CCDC102B: variants seen among roughly 807,000 people sequenced by gnomAD.
The protein encoded by CCDC102B is coiled-coil domain containing 102B, also known as coiled-coil domain-containing protein 102B.
Under a neutral mutation model 57.4 loss-of-function variants are expected in CCDC102B, and 75 were observed. The ratio of observed to expected loss-of-function variants is 1.31; its 90% CI spans 1.08 to 1.58. The LOEUF (loss-of-function observed/expected upper bound fraction) is 1.58. Among genes scored for constraint, CCDC102B ranks in the 40% most tolerant of loss-of-function variants. CCDC102B has a pLI of 0.00. For synonymous variants in CCDC102B, 206 were observed against 201.9 expected (o/e 1.02, Z -0.17); for missense variants, 636 against 582.6 (o/e 1.09, Z -0.94).
At chr18:68,879,137 T>C (rs9947490) in intron 5 of CCDC102B, among the ~76,000 whole-genome samples, 133,948 of 149,410 alleles carry the variant, frequency 0.9, 60,078 homozygotes, top group East Asian at 0.98. Flanking sequence ...GTCTCGCTGG[T>C]TTCAGGAGTG....
intron 2 of CCDC102B, among the ~76,000 whole-genome samples, chr18:68,780,479 T>A (rs1325047719): frequency 1.3e-5 from 2 of 152,074 alleles, no homozygotes; most frequent in African/African-American, 2.4e-5. Context: ...TGTTTTTTTT[T>A]TTTTTGCTTC....
chr18:68,980,448 T>G (rs2050550121), intron 6 of CCDC102B, among the ~76,000 whole-genome samples: 1 of 150,566 alleles, frequency 6.6e-6, no homozygotes, highest in Non-Finnish European at 1.5e-5. Context: ...CTGGAGCAGT[T>G]TATATTATAG....
chr18:68,750,236 C>T (rs527459236), intron 2 of CCDC102B, among the ~76,000 whole-genome samples: 1 of 152,264 alleles, frequency 6.6e-6, no homozygotes, highest in African/African-American at 2.4e-5. Context: ...ATCAAAACCA[C>T]AATGAGATAC....
At chr18:68,844,310 T>A (rs1462272546) in intron 3 of CCDC102B, among the ~76,000 whole-genome samples, 1 of 151,620 alleles carries the variant, frequency 6.6e-6, no homozygotes, top group East Asian at 1.9e-4. Flanking sequence ...AATAAAATAA[T>A]TCTCAAAATT....
At chr18:68,830,784 TCC>T (rs916065376) in intron 1 of CCDC102B, among the ~76,000 whole-genome samples, 4 of 151,866 alleles carry the variant, frequency 2.6e-5, no homozygotes, top group African/African-American at 9.7e-5. Flanking sequence ...CTGCTTGGCA[TCC>T]CAAGTACTTC....
At chr18:68,996,564 T>C (rs1370350163) in intron 6 of CCDC102B, among the ~76,000 whole-genome samples, 2 of 152,214 alleles carry the variant, frequency 1.3e-5, no homozygotes, top group Non-Finnish European at 2.9e-5. Context: ...TAATGCAAGA[T>C]TTAATAACTG....
intron 6 of CCDC102B, among the ~76,000 whole-genome samples, chr18:68,981,811 A>G (rs1052563035): frequency 6.6e-6 from 1 of 151,956 alleles, no homozygotes; most frequent in Non-Finnish European, 1.5e-5. Flanking sequence ...TCATTGTTCA[A>G]TTCCCACCTA....
At chr18:69,034,901 A>G (rs1280526424) in intron 7 of CCDC102B, among the ~76,000 whole-genome samples, 1 of 151,810 alleles carries the variant, frequency 6.6e-6, no homozygotes, top group African/African-American at 2.4e-5. Flanking sequence ...CATTTCGGTC[A>G]CTGTAATTGT....
At chr18:68,817,646 C>A (rs988527878) in intron 1 of CCDC102B, among the ~76,000 whole-genome samples, 2 of 152,088 alleles carry the variant, frequency 1.3e-5, no homozygotes, top group African/African-American at 4.8e-5. Flanking sequence ...TTTTTATAAA[C>A]GCGAGAAAGA....
intron 6 of CCDC102B, among the ~76,000 whole-genome samples, chr18:68,991,505 A>T (rs947377012): frequency 3.3e-5 from 5 of 152,146 alleles, no homozygotes; most frequent in Non-Finnish European, 1.5e-5. Context: ...GGAGTAATGC[A>T]TTTCCCACTG....
chr18:68,810,023 T>G (rs926287997), intron 1 of CCDC102B, among the ~76,000 whole-genome samples: 1 of 152,256 alleles, frequency 6.6e-6, no homozygotes, highest in Non-Finnish European at 1.5e-5. Context: ...TTTAAAAATC[T>G]TAACATTATT....
rs1293215651 is a variant in CCDC102B, at chr18:68,783,887, G to GT, written c.-66-39474dup. On this transcript the variant is annotated intron_variant, in intron 2 of 3. Transcript: ENST00000578970. ...AAGTCTGCTGATAACATTTATGAGTGTTTTTGAGTATAATTGACTCAGGTT... is the reference window on the plus strand; with the variant it reads ...AAGTCTGCTGATAACATTTATGAGTGTTTTTTGAGTATAATTGACTCAGGTT... Among the ~76,000 whole-genome samples, 3 of 152,122 alleles carry GT rather than the reference G, an allele frequency of 2.0e-5. No homozygotes were observed. In the East Asian group the frequency reaches 5.8e-4, roughly 29 times the overall value.
chr18:68,871,867 G>A (rs545671224), intron 4 of CCDC102B, among the ~76,000 whole-genome samples: 49 of 152,106 alleles, frequency 3.2e-4, no homozygotes, highest in Non-Finnish European at 6.5e-4. Context: ...GCTTTATTTG[G>A]TTGCTCTCTT....
At chr18:68,757,590 ATAT>A (rs1442113531) in intron 2 of CCDC102B, among the ~76,000 whole-genome samples, 1 of 152,172 alleles carries the variant, frequency 6.6e-6, no homozygotes, top group Non-Finnish European at 1.5e-5. Flanking sequence ...TTATTGCTTT[ATAT>A]TAATTGTTGC....
chr18:69,031,502 C>G (rs1350926793), intron 7 of CCDC102B, among the ~76,000 whole-genome samples: 1 of 150,720 alleles, frequency 6.6e-6, no homozygotes, highest in Non-Finnish European at 1.5e-5. Flanking sequence ...GATATAGCAG[C>G]ATTTTTCCTT....
At chr18:68,830,137 A>G (rs1374647564) in intron 1 of CCDC102B, among the ~76,000 whole-genome samples, 2 of 151,988 alleles carry the variant, frequency 1.3e-5, no homozygotes, top group African/African-American at 4.8e-5. Context: ...GGAAACAGTT[A>G]CATTGTCATC....
At chr18:69,043,482 G>T (rs1380644310) in intron 7 of CCDC102B, among the ~76,000 whole-genome samples, 4 of 152,024 alleles carry the variant, frequency 2.6e-5, no homozygotes, top group Admixed American at 2.6e-4. Context: ...GAGAAACCTT[G>T]GACAATACCT....
intron 7 of CCDC102B, among the ~76,000 whole-genome samples, chr18:69,023,875 A>G (rs911830417): frequency 1.8e-4 from 28 of 152,232 alleles, no homozygotes; most frequent in African/African-American, 5.0e-4. Flanking sequence ...ATTACCAAGC[A>G]TAATTTGTAA....
intron 7 of CCDC102B, among the ~76,000 whole-genome samples, chr18:69,041,314 G>T (rs1337353200): frequency 6.6e-6 from 1 of 151,984 alleles, no homozygotes; most frequent in Non-Finnish European, 1.5e-5. Flanking sequence ...ACATGTGGTT[G>T]TTTATAAATT....
Sources: gnomAD v4.1 joint callset for allele counts (sites outside exome capture counted in the v4.1 genomes callset) on GRCh38, gnomAD v4.1.1 for gene constraint, MANE v1.5 for transcripts, NCBI Gene and HGNC (gene_info 2026-07-23, HGNC 2026-07-21) for gene names.